DHRSX: variants seen among roughly 807,000 people sequenced by gnomAD.
DHRSX encodes the protein dehydrogenase/reductase X-linked, also known as polyprenol dehydrogenase.
In DHRSX, 31 loss-of-function variants were observed where a neutral mutation model predicts 34.0. The observed-to-expected ratio is 0.91, with a 90% CI of 0.69 to 1.23. The LOEUF (loss-of-function observed/expected upper bound fraction) is 1.23. Ranked by LOEUF, DHRSX falls within the 50% of genes most tolerant of loss-of-function variation. The pLI is 0.00. For missense variants in DHRSX, 414 were observed against 428.1 expected (o/e 0.97, Z 0.29); for synonymous variants, 201 against 183.8 (o/e 1.09, Z -0.76).
intron 4 of DHRSX, among the ~76,000 whole-genome samples, chrX:2,273,934 T>C (rs774232148): frequency 6.6e-6 from 1 of 152,328 alleles, no homozygotes; most frequent in African/African-American, 2.4e-5. Context: ...TGCGTGAGAA[T>C]TCCTGCGCCG....
At chrX:2,331,883 T>C (rs190676095) in intron 3 of DHRSX, among the ~76,000 whole-genome samples, 47 of 152,152 alleles carry the variant, frequency 3.1e-4, no homozygotes, top group Non-Finnish European at 5.3e-4. Flanking sequence ...TTTTAAGAAA[T>C]TGCCAAAGCA....
At chrX:2,433,573 G>A (rs1237315608) in intron 1 of DHRSX, among the ~76,000 whole-genome samples, 1 of 151,962 alleles carries the variant, frequency 6.6e-6, no homozygotes, top group African/African-American at 2.4e-5. Flanking sequence ...GCCCCCAGCA[G>A]GTTCTGGTGT....
At chrX:2,236,534 C>A (rs1445240863) in intron 6 of DHRSX, among the ~76,000 whole-genome samples, 1 of 152,118 alleles carries the variant, frequency 6.6e-6, no homozygotes, top group Non-Finnish European at 1.5e-5. Context: ...CGGGTTCAAG[C>A]GATTCTCCTG....
At chrX:2,443,699 T>C (rs1297115742) in intron 1 of DHRSX, among the ~76,000 whole-genome samples, 2 of 151,990 alleles carry the variant, frequency 1.3e-5, no homozygotes, top group African/African-American at 4.8e-5. Context: ...TGAGAGAAGA[T>C]GAGATGGTAA....
chrX:2,478,913 ACCG>A (rs904682924), intron 1 of DHRSX, among the ~76,000 whole-genome samples: 5 of 151,046 alleles, frequency 3.3e-5, no homozygotes, highest in African/African-American at 1.2e-4. Flanking sequence ...CTAAGGGACC[ACCG>A]CCATGTACGC....
chrX:2,472,342 A>T (rs2044606065), intron 1 of DHRSX, among the ~76,000 whole-genome samples: 1 of 152,098 alleles, frequency 6.6e-6, no homozygotes. Context: ...GGAGGGTGGG[A>T]CAAATGAGAG....
At chrX:2,436,003 A>G (rs7063369) in intron 1 of DHRSX, among the ~76,000 whole-genome samples, 57,840 of 151,744 alleles carry the variant, frequency 0.38, 12,809 homozygotes, top group East Asian at 0.62. Flanking sequence ...GACCAGCCCA[A>G]TCAACATGGT....
intron 3 of DHRSX, among the ~76,000 whole-genome samples, chrX:2,347,807 C>T (rs900518439): frequency 3.3e-5 from 5 of 152,176 alleles, no homozygotes; most frequent in Non-Finnish European, 4.4e-5. Context: ...AATGCGGTGT[C>T]CAGCAACATA....
chrX:2,446,437 C>T (rs1174613115), intron 1 of DHRSX, among the ~76,000 whole-genome samples: 3 of 151,590 alleles, frequency 2.0e-5, no homozygotes, highest in Non-Finnish European at 2.9e-5. Context: ...GCCCAAGGGA[C>T]GACAGCTGTG....
intron 3 of DHRSX, among the ~76,000 whole-genome samples, chrX:2,406,575 G>A (rs2043557985): frequency 6.6e-6 from 1 of 151,770 alleles, no homozygotes; most frequent in South Asian, 2.1e-4. Flanking sequence ...TGAGTAGCTG[G>A]GGTTACAGGC....
intron 1 of DHRSX, among the ~76,000 whole-genome samples, chrX:2,485,594 G>C (rs959907947): frequency 7.8e-6 from 1 of 128,604 alleles, no homozygotes; most frequent in South Asian, 2.8e-4. Context: ...GAGGAAGGGA[G>C]GGAGACAGGG....
At chrX:2,317,544 G>A (rs1273571505) in intron 3 of DHRSX, among the ~76,000 whole-genome samples, 2 of 151,916 alleles carry the variant, frequency 1.3e-5, no homozygotes, top group South Asian at 2.1e-4. Flanking sequence ...GAGCCACTGC[G>A]TGCGGCCCTG....
chrX:2,304,207 G>A (rs1344763113), intron 3 of DHRSX, among the ~76,000 whole-genome samples: 2 of 32,888 alleles, frequency 6.1e-5, no homozygotes, highest in Admixed American at 2.8e-4. Context: ...ATGGATAAAT[G>A]GATGGATGGA....
chrX:2,222,954 A>G (rs766988838), intron 6 of DHRSX, among the ~76,000 whole-genome samples: 1 of 152,326 alleles, frequency 6.6e-6, no homozygotes, highest in East Asian at 1.9e-4. Flanking sequence ...CAGAGCTGCC[A>G]GACTCCTGAG....
At chrX:2,353,001 G>A (rs2042806014) in intron 3 of DHRSX, among the ~76,000 whole-genome samples, 1 of 152,130 alleles carries the variant, frequency 6.6e-6, no homozygotes, top group Non-Finnish European at 1.5e-5. Context: ...AGAACTTTGG[G>A]AAGCCATGGC....
chrX:2,493,757 G>T (rs890020545), intron 1 of DHRSX, among the ~76,000 whole-genome samples: 70 of 152,062 alleles, frequency 4.6e-4, no homozygotes, highest in Admixed American at 2.6e-4. Context: ...ATCATCTGAG[G>T]TCAGGAGTTT....
intron 3 of DHRSX, among the ~76,000 whole-genome samples, chrX:2,377,851 G>A (rs1386583422): frequency 1.3e-5 from 2 of 151,536 alleles, no homozygotes; most frequent in African/African-American, 4.8e-5. Flanking sequence ...TGATTCTCCT[G>A]CCTCAGCCTC....
chrX:2,347,806 T>C (rs2042739621), intron 3 of DHRSX, among the ~76,000 whole-genome samples: 1 of 152,194 alleles, frequency 6.6e-6, no homozygotes, highest in Non-Finnish European at 1.5e-5. Flanking sequence ...TAATGCGGTG[T>C]CCAGCAACAT....
At chrX:2,314,263 T>G (rs1382601531) in intron 3 of DHRSX, among the ~76,000 whole-genome samples, 49 of 4,952 alleles carry the variant, frequency 9.9e-3, no homozygotes, top group East Asian at 0.042. Flanking sequence ...AAGGAGGGAA[T>G]GAAGGAGGGA....
Sources: gnomAD v4.1 joint callset for allele counts (sites outside exome capture counted in the v4.1 genomes callset) on GRCh38, gnomAD v4.1.1 for gene constraint, MANE v1.5 for transcripts, NCBI Gene and HGNC (gene_info 2026-07-23, HGNC 2026-07-21) for gene names.